ADGRB3: variants seen among roughly 807,000 people sequenced by gnomAD.
The protein encoded by ADGRB3 is adhesion G protein-coupled receptor B3.
Under a neutral mutation model 193.4 loss-of-function variants are expected in ADGRB3, and 37 were observed. That is an observed-to-expected ratio of 0.19 (90% CI 0.15 to 0.25). The LOEUF is 0.25. ADGRB3 is among the 10% of genes least tolerant of loss of function. ADGRB3 has a pLI of 1.00. For synonymous variants in ADGRB3, 690 were observed against 644.2 expected (o/e 1.07, Z -1.08); for missense variants, 1,637 against 1,852.9 (o/e 0.88, Z 2.14).
intron 15 of ADGRB3, among the ~76,000 whole-genome samples, chr6:69,060,220 T>TCTC (rs1771697794): frequency 7.7e-5 from 10 of 129,632 alleles, no homozygotes; most frequent in Non-Finnish European, 1.4e-4. Context: ...CTCTCTCTCT[T>TCTC]TCTCTCTCTC....
chr6:69,124,585 A>G (rs1773805791), intron 17 of ADGRB3, among the ~76,000 whole-genome samples: 1 of 152,228 alleles, frequency 6.6e-6, no homozygotes, highest in South Asian at 2.1e-4. Flanking sequence ...AATGTAGGCT[A>G]TCTTTCAGGT....
chr6:69,110,169 A>C (rs1773331028), intron 17 of ADGRB3, among the ~76,000 whole-genome samples: 1 of 152,056 alleles, frequency 6.6e-6, no homozygotes, highest in South Asian at 2.1e-4. Flanking sequence ...GCTGGTCTTG[A>C]ACTCCTGACC....
chr6:69,153,173 G>A (rs1160919157), intron 17 of ADGRB3, among the ~76,000 whole-genome samples: 1 of 152,066 alleles, frequency 6.6e-6, no homozygotes, highest in African/African-American at 2.4e-5. Flanking sequence ...CTGTTAAAAA[G>A]TAAGAAAAGT....
At chr6:69,047,646 A>G (rs1010292584) in intron 13 of ADGRB3, among the ~76,000 whole-genome samples, 2 of 151,998 alleles carry the variant, frequency 1.3e-5, no homozygotes, top group Non-Finnish European at 2.9e-5. Flanking sequence ...TACCTTTATT[A>G]TATAGATTCT....
intron 20 of ADGRB3, among the ~76,000 whole-genome samples, chr6:69,250,061 T>G (rs1224894490): frequency 2.0e-5 from 3 of 152,182 alleles, no homozygotes; most frequent in African/African-American, 7.2e-5. Context: ...TTAATATGTG[T>G]GATAAGGGCC....
chr6:69,175,116 G>GA (rs1775386188), intron 17 of ADGRB3, among the ~76,000 whole-genome samples: 1 of 152,060 alleles, frequency 6.6e-6, no homozygotes, highest in African/African-American at 2.4e-5. Flanking sequence ...AATTTAATTA[G>GA]AACTCACTTG....
intron 17 of ADGRB3, among the ~76,000 whole-genome samples, chr6:69,189,071 C>T (rs1412820606): frequency 2.0e-5 from 3 of 151,966 alleles, no homozygotes; most frequent in Non-Finnish European, 2.9e-5. Flanking sequence ...AAATGATAAC[C>T]AATGAATTTA....
intron 17 of ADGRB3, among the ~76,000 whole-genome samples, chr6:69,105,703 C>G (rs192064615): frequency 6.6e-6 from 1 of 152,136 alleles, no homozygotes; most frequent in African/African-American, 2.4e-5. Context: ...AGTTTTATCT[C>G]TCTTTTATGA....
chr6:69,106,872 C>A (rs1229742929), intron 17 of ADGRB3, among the ~76,000 whole-genome samples: 1 of 152,164 alleles, frequency 6.6e-6, no homozygotes, highest in African/African-American at 2.4e-5. Context: ...TCTACTAGGG[C>A]AGCATCACGG....
intron 11 of ADGRB3, among the ~76,000 whole-genome samples, chr6:69,012,481 A>G (rs1011516687): frequency 6.6e-6 from 1 of 152,038 alleles, no homozygotes; most frequent in African/African-American, 2.4e-5. Flanking sequence ...TTCTGACCAT[A>G]GGTAGAGTTA....
At chr6:69,376,591 A>G (rs897943480) in intron 30 of ADGRB3, among the ~76,000 whole-genome samples, 1 of 151,988 alleles carries the variant, frequency 6.6e-6, no homozygotes, top group Non-Finnish European at 1.5e-5. Flanking sequence ...TTTGGGGGAT[A>G]ATAGAAGTAA....
At chr6:69,188,987 A>G (rs1475991099) in intron 17 of ADGRB3, among the ~76,000 whole-genome samples, 2 of 152,232 alleles carry the variant, frequency 1.3e-5, no homozygotes, top group Non-Finnish European at 2.9e-5. Context: ...GGTATTTTAC[A>G]GTGTAAGAAA....
At chr6:68,773,823 C>G (rs1462338370) in intron 3 of ADGRB3, among the ~76,000 whole-genome samples, 3 of 151,930 alleles carry the variant, frequency 2.0e-5, no homozygotes, top group Non-Finnish European at 4.4e-5. Flanking sequence ...GCAGCAAGAC[C>G]TGGAGACTTA....
chr6:68,884,426 A>AC (rs1765843289), intron 3 of ADGRB3, among the ~76,000 whole-genome samples: 1 of 152,206 alleles, frequency 6.6e-6, no homozygotes, highest in African/African-American at 2.4e-5. Flanking sequence ...TGAGAGTGAG[A>AC]ACATGTCTCT....
At chr6:69,103,590 T>C (rs1411194253) in intron 17 of ADGRB3, among the ~76,000 whole-genome samples, 1 of 151,980 alleles carries the variant, frequency 6.6e-6, no homozygotes, top group Non-Finnish European at 1.5e-5. Flanking sequence ...CTTTCATCTA[T>C]CTTAAAGTGG....
rs139446322 is a variant in ADGRB3, at chr6:68,695,607, G to A, written c.757+56175G>A. The stretch of plus-strand genomic sequence containing the variant: ...CCCCTGGATTGTGTGACATTTCCTC[G>A]GTTTCTTTTGGTCTCCTAAAGACTG... On this transcript the variant is annotated intron_variant, in intron 3 of 31. Transcript: ENST00000370598. Among the ~76,000 whole-genome samples, 27 of 152,024 alleles carry A rather than the reference G, an allele frequency of 1.8e-4. No homozygotes were observed. In the East Asian group the frequency reaches 3.1e-3, roughly 18 times the overall value.
At chr6:68,996,877 T>TCAACAAATGTTTGTTGAATGTATTAA (rs2150276650) in intron 11 of ADGRB3, among the ~76,000 whole-genome samples, 2 of 152,320 alleles carry the variant, frequency 1.3e-5, no homozygotes, top group African/African-American at 4.8e-5. Context: ...TAGAAGATGT[T>TCAACAAATGTTTGTTGAATGTATTAA]CAACAAATGT....
At chr6:68,897,760 A>AGGAAGAGG (rs1335745242) in intron 3 of ADGRB3, among the ~76,000 whole-genome samples, 1 of 8,724 alleles carries the variant, frequency 1.1e-4, no homozygotes, top group African/African-American at 3.8e-4. Flanking sequence ...GGAGGGAGGA[A>AGGAAGAGG]AAGGGAGGGA....
At chr6:69,334,499 C>G (rs182341503) in intron 24 of ADGRB3, among the ~76,000 whole-genome samples, 2 of 152,084 alleles carry the variant, frequency 1.3e-5, no homozygotes, top group Non-Finnish European at 2.9e-5. Context: ...CATTTAGAGG[C>G]TTTTTTCACT....
Sources: gnomAD v4.1 joint callset for allele counts (sites outside exome capture counted in the v4.1 genomes callset) on GRCh38, gnomAD v4.1.1 for gene constraint, MANE v1.5 for transcripts, NCBI Gene and HGNC (gene_info 2026-07-23, HGNC 2026-07-21) for gene names.